Variants in CBLB observed in about 807,000 individuals in gnomAD.
CBLB encodes Cbl proto-oncogene B.
Under a neutral mutation model 104.9 loss-of-function variants are expected in CBLB, and 31 were observed. The ratio of observed to expected loss-of-function variants is 0.30; its 90% confidence interval spans 0.22 to 0.40. The LOEUF (loss-of-function observed/expected upper bound fraction) is 0.40, where lower values mean the gene tolerates loss of function less well. CBLB is among the 10% of genes least tolerant of loss of function. CBLB has a pLI of 1.00. For synonymous variants in CBLB, 440 were observed against 422.6 expected (o/e 1.04, Z -0.51); for missense variants, 1,062 against 1,214.6 (o/e 0.87, Z 1.87).
chr3:105,681,457 A>G, intron 16 of CBLB, 22 bp downstream of exon 16: 1 of 1,613,554 alleles, frequency 6.2e-7, no homozygotes. Flanking sequence ...GGGTTGTTCA[A>G]AACTTTTTTA....
At chr3:105,848,736 T>A (rs2090588314) in intron 3 of CBLB, among the ~76,000 whole-genome samples, 1 of 152,152 alleles carries the variant, frequency 6.6e-6, no homozygotes, top group Non-Finnish European at 1.5e-5. Flanking sequence ...TCCAAATTAC[T>A]GTTTCTACTA....
At chr3:105,678,099 A>G (rs1019385439) in intron 17 of CBLB, among the ~76,000 whole-genome samples, 1 of 152,202 alleles carries the variant, frequency 6.6e-6, no homozygotes, top group African/African-American at 2.4e-5. Flanking sequence ...CAAAGTCTAA[A>G]TATTGTTCCC....
rs577122711 is a variant in CBLB at position 105,691,060 on chromosome 3, A to G, written c.2054+2434T>C. 5.3e-5 allele frequency among the ~76,000 whole-genome samples: 8 copies of G among 152,348 alleles called. No homozygotes were observed. The South Asian group carries it at 1.7e-3, about 32-fold the overall frequency. On this transcript the variant is annotated intron_variant, in intron 13 of 18. Coordinates refer to ENST00000394030, the MANE Select transcript of CBLB (RefSeq NM_170662.5). ...TTAAATAAAAAATGTCAAAATGTTA[A>G]AACTCTGGACATTGATATTTAGCAT...
chr3:105,677,928 A>G (rs1208142513), intron 17 of CBLB, among the ~76,000 whole-genome samples: 5 of 151,866 alleles, frequency 3.3e-5, no homozygotes, highest in Admixed American at 1.3e-4. Context: ...AAATATCACA[A>G]CAAAACAATA....
intron 2 of CBLB, among the ~76,000 whole-genome samples, chr3:105,866,636 C>T (rs2092442022): frequency 6.6e-6 from 1 of 152,216 alleles, no homozygotes; most frequent in African/African-American, 2.4e-5. Flanking sequence ...AGGATACTGA[C>T]AGCTACAGTT....
chr3:105,829,672 A>C (rs1313373526), intron 3 of CBLB, among the ~76,000 whole-genome samples: 3 of 34,942 alleles, frequency 8.6e-5, no homozygotes, highest in African/African-American at 2.2e-4. Flanking sequence ...GTCCCAAAAA[A>C]AAAAAAAAAA....
intron 12 of CBLB, among the ~76,000 whole-genome samples, 190 bp from the exon 13 acceptor site, chr3:105,693,778 T>C (rs914286521): frequency 2.6e-5 from 4 of 151,968 alleles, no homozygotes; most frequent in Non-Finnish European, 5.9e-5. Context: ...GGTTCAAGCT[T>C]ACACAAAAAA....
intron 4 of CBLB, among the ~76,000 whole-genome samples, chr3:105,763,160 C>A (rs555856947): frequency 2.0e-5 from 3 of 152,236 alleles, no homozygotes; most frequent in African/African-American, 7.2e-5. Flanking sequence ...CCCCATTGTA[C>A]CTAGGAAGTA....
intron 14 of CBLB, 128 bp downstream of exon 14, chr3:105,685,192 G>C (rs2066856607): frequency 1.2e-6 from 1 of 823,634 alleles, no homozygotes; most frequent in Non-Finnish European, 2.1e-6. Context: ...TGGTATAATA[G>C]GAAGAGAAGG....
At chr3:105,772,102 TC>T (rs1017096285) in intron 4 of CBLB, among the ~76,000 whole-genome samples, 41 of 152,274 alleles carry the variant, frequency 2.7e-4, no homozygotes, top group African/African-American at 8.9e-4. Context: ...TCTGGAGGCA[TC>T]ACACTATCTG....
In CBLB at chr3:105,658,421, T is replaced by C; in HGVS notation, c.*549A>G. ...TTTTTTTTTGCATTAGTTTGATCAGTTGAAAATCAGAACCTTCAAAGCATC... is the reference window on the plus strand; with the variant it reads ...TTTTTTTTTGCATTAGTTTGATCAGCTGAAAATCAGAACCTTCAAAGCATC... On this transcript the variant is annotated 3_prime_UTR_variant, in exon 19 of 19. Transcript: ENST00000394030. 4.4e-6 allele frequency: 1 copy of C among 225,578 alleles called. No individual in the cohort carries two copies. The highest frequency in any genetic ancestry group is 8.8e-6 in the Non-Finnish European group (1 of 113,148). 14.0% of individuals were successfully genotyped at this position (225,578 alleles called of 1,614,324 possible).
intron 9 of CBLB, among the ~76,000 whole-genome samples, chr3:105,730,809 T>A (rs2074240258): frequency 6.6e-6 from 1 of 152,150 alleles, no homozygotes; most frequent in African/African-American, 2.4e-5. Flanking sequence ...TAAATGTAAT[T>A]TATTATTTCA....
At chr3:105,726,204 C>G (rs2073606647) in intron 9 of CBLB, among the ~76,000 whole-genome samples, 1 of 152,204 alleles carries the variant, frequency 6.6e-6, no homozygotes, top group Non-Finnish European at 1.5e-5. Flanking sequence ...TCTCACCTCT[C>G]TCAGACAACT....
At chr3:105,735,669 G>A (rs2074841314) in intron 8 of CBLB, among the ~76,000 whole-genome samples, 1 of 152,172 alleles carries the variant, frequency 6.6e-6, no homozygotes, top group Admixed American at 6.5e-5. Flanking sequence ...TGGCAATCAT[G>A]GCCGGGCATG....
intron 3 of CBLB, among the ~76,000 whole-genome samples, chr3:105,830,000 C>T (rs2087232385): frequency 1.3e-5 from 2 of 152,116 alleles, no homozygotes; most frequent in Non-Finnish European, 2.9e-5. Flanking sequence ...ATTTTATTTG[C>T]TTCCCTTTTC....
At chr3:105,842,705 A>T (rs1053723820) in intron 3 of CBLB, among the ~76,000 whole-genome samples, 2 of 152,244 alleles carry the variant, frequency 1.3e-5, no homozygotes, top group Admixed American at 1.3e-4. Flanking sequence ...TGTCCTTAAA[A>T]AATGAAGCTG....
At chr3:105,659,402 T>G (rs2063566736) in intron 18 of CBLB, among the ~76,000 whole-genome samples, 173 bp from the exon 19 acceptor site, 1 of 152,222 alleles carries the variant, frequency 6.6e-6, no homozygotes. Flanking sequence ...ATTATCCTCA[T>G]TTTGAACAAC....
intron 7 of CBLB, among the ~76,000 whole-genome samples, chr3:105,739,356 C>T (rs766216098): frequency 3.9e-5 from 6 of 152,006 alleles, no homozygotes; most frequent in Non-Finnish European, 8.8e-5. Context: ...TGGACTTTTT[C>T]CTTCTAGGTT....
chr3:105,728,215 C>T lies in CBLB; in HGVS notation c.1203+5794G>A, dbSNP rs181704148. Among the ~76,000 whole-genome samples, 74 of 152,142 alleles carry T rather than the reference C, an allele frequency of 4.9e-4. 1 individual carries two copies. Among genetic ancestry groups the T allele is most frequent in the African/African-American group, 1.5e-3 (62 of 41,518 alleles). ...ACATGAATGTATATTTAGAAAACCC[C>T]GTCGTCTCAGCCCAAAATCTCCTAA... On this transcript the variant is annotated intron_variant, in intron 9 of 18. Coordinates refer to ENST00000394030, the MANE Select transcript of CBLB (RefSeq NM_170662.5).
Sources: gnomAD v4.1 joint callset for allele counts (sites outside exome capture counted in the v4.1 genomes callset) on GRCh38, gnomAD v4.1.1 for gene constraint, MANE v1.5 for transcripts, NCBI Gene and HGNC (gene_info 2026-07-23, HGNC 2026-07-21) for gene names.